The following PRMT9 variants were observed in gnomAD, a reference collection of about 807,000 sequenced individuals.
PRMT9 encodes protein arginine methyltransferase 9, also known as protein arginine N-methyltransferase 9.
In PRMT9, 59 loss-of-function variants were observed where a neutral mutation model predicts 83.2. The observed-to-expected ratio is 0.71, with a 90% CI of 0.57 to 0.88. The LOEUF is 0.88. Among genes scored for constraint, PRMT9 ranks in the 40% least tolerant of loss-of-function variants. The pLI, the probability that PRMT9 is intolerant of heterozygous loss-of-function variation, is 0.00. For missense variants in PRMT9, 947 were observed against 1,021.9 expected, an observed-to-expected ratio of 0.93 and a Z score of 1.00; for synonymous variants, 333 against 353.2, an observed-to-expected ratio of 0.94 and a Z score of 0.64.
intron 1 of PRMT9, among the ~76,000 whole-genome samples, chr4:147,683,004 T>G (rs913498275): frequency 1.3e-5 from 2 of 152,228 alleles, no homozygotes; most frequent in South Asian, 4.1e-4. Context: ...ATTGCAATTT[T>G]AAGTTAAATC....
rs1733154459 is a variant in PRMT9, at chr4:147,638,484, G to A, written c.*48C>T. 3.5e-6 allele frequency: 5 copies of A among 1,423,436 alleles called. 1 individual carries two copies. The Middle Eastern group carries it at 8.7e-4, about 249-fold the overall frequency. The allele number at this position is 1,423,436 out of a possible 1,614,324, so 88.2% of individuals were successfully genotyped here. ...CCCCACTAATTAAGACAAGAATTTT[G>A]TACTTGTTGATGCTCTATTTACACA... On this transcript the variant is annotated 3_prime_UTR_variant, in exon 12 of 12. Transcript: ENST00000322396.
At chr4:147,642,720 A>G (rs1273053994) in intron 10 of PRMT9, 67 bp downstream of exon 10, 1 of 1,344,022 alleles carries the variant, frequency 7.4e-7, no homozygotes. Flanking sequence ...TTAAACAGTG[A>G]CTAAAGAGAG....
intron 10 of PRMT9, among the ~76,000 whole-genome samples, chr4:147,639,811 T>C (rs1435081386): frequency 1.3e-5 from 2 of 152,166 alleles, no homozygotes; most frequent in African/African-American, 4.8e-5. Flanking sequence ...AGGACACAGA[T>C]ACATTCACCT....
intron 9 of PRMT9, among the ~76,000 whole-genome samples, chr4:147,645,898 G>A (rs758085853): frequency 2.0e-5 from 3 of 152,160 alleles, no homozygotes; most frequent in Non-Finnish European, 2.9e-5. Context: ...CCCACTAAAT[G>A]TAACGACATG....
chr4:147,669,264 A>C (rs1360909033), intron 5 of PRMT9, among the ~76,000 whole-genome samples: 3 of 151,742 alleles, frequency 2.0e-5, no homozygotes, highest in Non-Finnish European at 4.4e-5. Context: ...AAGTGTGGTG[A>C]CATTGCGAGG....
chr4:147,679,110 T>C (rs760800917), intron 2 of PRMT9, among the ~76,000 whole-genome samples: 13 of 152,298 alleles, frequency 8.5e-5, no homozygotes, highest in Non-Finnish European at 1.6e-4. Context: ...CTCCCACCAG[T>C]TGGCACAAGG....
At chr4:147,649,562 G>A (rs1447271154) in intron 9 of PRMT9, among the ~76,000 whole-genome samples, 2 of 152,118 alleles carry the variant, frequency 1.3e-5, no homozygotes, top group African/African-American at 2.4e-5. Flanking sequence ...GAGTGCAATG[G>A]CGCGATCTCA....
chr4:147,642,757 C>G, intron 10 of PRMT9, 30 bp downstream of exon 10: 1 of 1,585,922 alleles, frequency 6.3e-7, no homozygotes, highest in Non-Finnish European at 8.7e-7. Flanking sequence ...TCAACAGCAT[C>G]CTGGTTGAAC....
At chr4:147,644,608 A>G (rs1169290836) in intron 9 of PRMT9, among the ~76,000 whole-genome samples, 2 of 151,836 alleles carry the variant, frequency 1.3e-5, no homozygotes, top group Non-Finnish European at 2.9e-5. Flanking sequence ...AGAACTACGA[A>G]CAAAGGATAA....
chr4:147,665,620 C>T (rs185975055), intron 6 of PRMT9, among the ~76,000 whole-genome samples: 6 of 152,172 alleles, frequency 3.9e-5, no homozygotes, highest in Non-Finnish European at 7.4e-5. Context: ...GTACTGGAAT[C>T]AGCCATTGCT....
intron 1 of PRMT9, among the ~76,000 whole-genome samples, chr4:147,682,163 G>A (rs1438101419): frequency 6.6e-6 from 1 of 151,542 alleles, no homozygotes; most frequent in Non-Finnish European, 1.5e-5. Flanking sequence ...ATGCCACCAC[G>A]CCCAGCTAAT....
At chr4:147,658,089 A>G in intron 7 of PRMT9, 114 bp from the exon 8 acceptor site, 1 of 743,590 alleles carries the variant, frequency 1.3e-6, no homozygotes, top group Non-Finnish European at 2.3e-6. Flanking sequence ...TCCCTTAGGG[A>G]TTCAGTATCT....
At chr4:147,652,502 T>A (rs1161509199) in intron 9 of PRMT9, among the ~76,000 whole-genome samples, 1 of 151,846 alleles carries the variant, frequency 6.6e-6, no homozygotes, top group African/African-American at 2.4e-5. Context: ...ATTGTACACA[T>A]AGGATTTCAT....
At chr4:147,648,468 C>T (rs557183010) in intron 9 of PRMT9, among the ~76,000 whole-genome samples, 2 of 152,356 alleles carry the variant, frequency 1.3e-5, no homozygotes, top group East Asian at 3.9e-4. Context: ...CACATGCTTA[C>T]TCTATGCATC....
intron 9 of PRMT9, among the ~76,000 whole-genome samples, chr4:147,644,235 G>T (rs968752798): frequency 2.0e-5 from 3 of 152,074 alleles, no homozygotes; most frequent in Non-Finnish European, 2.9e-5. Flanking sequence ...CAATTTAGCA[G>T]ATGTGGCAAA....
chr4:147,656,756 A>G (rs1734516718), intron 8 of PRMT9, among the ~76,000 whole-genome samples: 1 of 122,204 alleles, frequency 8.2e-6, no homozygotes, highest in East Asian at 2.7e-4. Flanking sequence ...TGGGCAACAG[A>G]GCGAGACTCT....
rs749453572 is a variant in PRMT9, at chr4:147,673,596, T to C, written c.575+42A>G. ...ATCTGGCAAAATCTTTAATTTACAT[T>C]AGAATACATGTATATACCATTAAAA... On this transcript the variant is annotated intron_variant, in intron 3 of 11. Coordinates refer to ENST00000322396, the MANE Select transcript of PRMT9 (RefSeq NM_138364.4). The C allele has an allele frequency of 2.5e-6, 3 of 1,190,112 alleles. No individual in the cohort carries two copies. In the East Asian group the frequency reaches 7.0e-5, roughly 28 times the overall value. The allele number at this position is 1,190,112 out of a possible 1,614,324, so 73.7% of individuals were successfully genotyped here.
intron 9 of PRMT9, 76 bp from the exon 10 acceptor site, chr4:147,643,016 T>C: frequency 1.5e-6 from 2 of 1,379,132 alleles, no homozygotes; most frequent in Non-Finnish European, 2.1e-6. Flanking sequence ...TCCTAGCACT[T>C]TGGGAGGCCA....
intron 4 of PRMT9, 71 bp from the exon 5 acceptor site, chr4:147,670,814 G>C (rs1735678897): frequency 7.2e-6 from 7 of 972,238 alleles, no homozygotes; most frequent in Non-Finnish European, 1.6e-6. Context: ...TCAAAGCTGA[G>C]AGGAGAAAGG....
Sources: allele counts gnomAD v4.1 joint callset (sites outside exome capture counted in the v4.1 genomes callset), GRCh38; gene constraint gnomAD v4.1.1; transcripts MANE v1.5; gene names NCBI Gene and HGNC (gene_info 2026-07-23, HGNC 2026-07-21).